TCF12: variants seen among roughly 807,000 people sequenced by gnomAD.
TCF12 encodes transcription factor 12, also known as DNA-binding protein HTF4.
Under a neutral mutation model 86.0 loss-of-function variants are expected in TCF12, and 45 were observed. That is an observed-to-expected ratio of 0.52 (90% CI 0.41 to 0.67). The LOEUF is 0.67. Ranked by LOEUF, TCF12 falls within the 30% of genes least tolerant of loss-of-function variation. TCF12 has a pLI of 0.00. For missense variants in TCF12, 881 were observed against 859.9 expected (o/e 1.02, Z -0.31); for synonymous variants, 330 against 299.6 (o/e 1.10, Z -1.05).
chr15:57,187,000 A>C (rs866027026), intron 6 of TCF12, among the ~76,000 whole-genome samples: 2 of 151,968 alleles, frequency 1.3e-5, no homozygotes, highest in African/African-American at 4.8e-5. Context: ...GGCCAACATG[A>C]TGAAACTCTG....
intron 3 of TCF12, among the ~76,000 whole-genome samples, chr15:56,984,589 ATAGTT>A (rs1447754125): frequency 2.6e-5 from 4 of 152,216 alleles, no homozygotes; most frequent in African/African-American, 9.6e-5. Context: ...ATAGCACAGT[ATAGTT>A]TAAACTGCTG....
intron 3 of TCF12, among the ~76,000 whole-genome samples, chr15:56,986,686 C>T (rs1329416806): frequency 2.0e-5 from 3 of 152,090 alleles, no homozygotes; most frequent in African/African-American, 7.2e-5. Flanking sequence ...TTATGTATAT[C>T]CTTATATACA....
chr15:57,225,418 A>T (rs2058829958), intron 8 of TCF12, among the ~76,000 whole-genome samples: 2 of 150,660 alleles, frequency 1.3e-5, no homozygotes, highest in Non-Finnish European at 3.0e-5. Context: ...TTTTTTTATT[A>T]TTATTTTTAG....
At chr15:57,021,800 G>T (rs992794312) in intron 3 of TCF12, among the ~76,000 whole-genome samples, 2 of 151,682 alleles carry the variant, frequency 1.3e-5, no homozygotes, top group Admixed American at 6.6e-5. Flanking sequence ...GGGATGTGAA[G>T]TCTGAATATA....
intron 3 of TCF12, among the ~76,000 whole-genome samples, chr15:57,006,205 T>C (rs896512139): frequency 5.3e-5 from 8 of 152,232 alleles, no homozygotes; most frequent in Non-Finnish European, 8.8e-5. Flanking sequence ...GTAATAGATA[T>C]TTAAAATTCC....
intron 3 of TCF12, among the ~76,000 whole-genome samples, chr15:56,954,163 C>T (rs866015504): frequency 6.6e-6 from 1 of 151,720 alleles, no homozygotes; most frequent in African/African-American, 2.4e-5. Flanking sequence ...CTTTAACTTA[C>T]GGGTTATTTA....
intron 3 of TCF12, among the ~76,000 whole-genome samples, chr15:57,049,428 T>G (rs2067463559): frequency 6.6e-6 from 1 of 152,222 alleles, no homozygotes; most frequent in Non-Finnish European, 1.5e-5. Context: ...CACCATAGAT[T>G]AGTTTCGTTA....
intron 9 of TCF12, among the ~76,000 whole-genome samples, chr15:57,231,894 CCA>C (rs1182188722): frequency 6.6e-6 from 1 of 152,064 alleles, no homozygotes; most frequent in Admixed American, 6.5e-5. Flanking sequence ...CTTCTTTGTT[CCA>C]CAGTTTCAAA....
At chr15:57,225,200 A>G (rs1171649300) in intron 8 of TCF12, among the ~76,000 whole-genome samples, 2 of 114,018 alleles carry the variant, frequency 1.8e-5, no homozygotes, top group African/African-American at 3.6e-5. Flanking sequence ...AAATGTTACC[A>G]TTTAGGTTAC....
chr15:56,966,530 T>G (rs1356428758), intron 3 of TCF12, among the ~76,000 whole-genome samples: 2 of 152,194 alleles, frequency 1.3e-5, no homozygotes, highest in African/African-American at 4.8e-5. Context: ...TGGAGAAGAA[T>G]GCATGAGCTT....
chr15:57,155,956 A>T (rs141485498), intron 5 of TCF12, among the ~76,000 whole-genome samples: 1 of 152,316 alleles, frequency 6.6e-6, no homozygotes, highest in South Asian at 2.1e-4. Flanking sequence ...CTTCATTTCT[A>T]TATTACATAG....
At chr15:57,223,913 G>A (rs999935369) in intron 8 of TCF12, among the ~76,000 whole-genome samples, 33 of 151,682 alleles carry the variant, frequency 2.2e-4, no homozygotes, top group African/African-American at 7.7e-4. Flanking sequence ...TTATAATAGG[G>A]AAAACATGAA....
chr15:57,097,752 G>T (rs2049430046), intron 5 of TCF12, among the ~76,000 whole-genome samples: 1 of 151,994 alleles, frequency 6.6e-6, no homozygotes, highest in Non-Finnish European at 1.5e-5. Flanking sequence ...CTGACCTTTG[G>T]CTGTGCTGAC....
chr15:56,965,781 G>A (rs1290484939), intron 3 of TCF12, among the ~76,000 whole-genome samples: 3 of 152,078 alleles, frequency 2.0e-5, no homozygotes, highest in Admixed American at 2.0e-4. Context: ...CTTATTGCAA[G>A]TCGAGTGAAA....
Position 57,108,124 on chromosome 15 carries a change from A to G in TCF12, c.325+16233A>G, listed in dbSNP as rs537161659. On this transcript the variant is annotated intron_variant, in intron 5 of 20. Coordinates refer to ENST00000333725, the MANE Select transcript of TCF12 (RefSeq NM_207037.2). The stretch of plus-strand genomic sequence containing the variant: ...TAGGAAATGGGAAGCATCAAAGACC[A>G]TCAACAACTTGAGAATATTCAAAAA... 2.1e-3 allele frequency among the ~76,000 whole-genome samples: 316 copies of G among 152,368 alleles called. 1 individual carries two copies. The highest frequency in any genetic ancestry group is 7.0e-3 in the African/African-American group (292 of 41,588).
Position 56,947,181 on chromosome 15 carries a change from G to A in TCF12, c.148+26083G>A, listed in dbSNP as rs192666993. Among the ~76,000 whole-genome samples, 5 of 152,248 alleles carry A rather than the reference G, an allele frequency of 3.3e-5. No homozygotes were observed. The East Asian group carries it at 7.7e-4, about 24-fold the overall frequency. On this transcript the variant is annotated intron_variant, in intron 3 of 20. Coordinates refer to ENST00000333725, the MANE Select transcript of TCF12 (RefSeq NM_207037.2). ...TTACTGAATGCTTTGGGCATTCAAC[G>A]TTTAGGCTGTATTCAGACTGCTTCC...
intron 18 of TCF12, among the ~76,000 whole-genome samples, chr15:57,264,757 T>C (rs2060768694): frequency 6.6e-6 from 1 of 152,112 alleles, no homozygotes. Context: ...GGACCTGCCT[T>C]GAGGTCTTGT....
At chr15:56,962,562 G>A (rs1387254670) in intron 3 of TCF12, among the ~76,000 whole-genome samples, 2 of 152,104 alleles carry the variant, frequency 1.3e-5, no homozygotes, top group Non-Finnish European at 2.9e-5. Context: ...AGACTAGAAT[G>A]TAATTATGTA....
intron 5 of TCF12, among the ~76,000 whole-genome samples, chr15:57,163,509 A>G (rs1340434172): frequency 1.3e-5 from 2 of 151,880 alleles, no homozygotes; most frequent in Admixed American, 1.3e-4. Flanking sequence ...AGACCAGCCT[A>G]GGCCATACTA....
Sources: allele counts gnomAD v4.1 joint callset (sites outside exome capture counted in the v4.1 genomes callset), GRCh38; gene constraint gnomAD v4.1.1; transcripts MANE v1.5; gene names NCBI Gene and HGNC (gene_info 2026-07-23, HGNC 2026-07-21).